Variants in FUBP3 observed in about 807,000 individuals in gnomAD.
FUBP3 encodes the protein far upstream element-binding protein 3.
Under a neutral mutation model 85.6 loss-of-function variants are expected in FUBP3, and 28 were observed. The ratio of observed to expected loss-of-function variants is 0.33; its 90% CI spans 0.24 to 0.45. The LOEUF (loss-of-function observed/expected upper bound fraction) is 0.45. FUBP3 is among the 20% of genes least tolerant of loss of function. The pLI, the probability that FUBP3 is intolerant of heterozygous loss-of-function variation, is 1.00. For synonymous variants in FUBP3, 271 were observed against 271.4 expected (o/e 1.00, Z 0.01); for missense variants, 583 against 755.1 (o/e 0.77, Z 2.67).
In FUBP3 at chr9:130,623,678, G is replaced by A. The variant is rs748202070; in HGVS notation, c.942G>A (p.Ala314=). 7.4e-6 allele frequency: 12 copies of A among 1,613,478 alleles called. No individual in the cohort carries two copies. The highest frequency in any genetic ancestry group is 2.7e-5 in the African/African-American group (2 of 74,904). The stretch of plus-strand genomic sequence containing the variant: ...CTCCGGATCGGTGTCAGCATGCAGC[G>A]CATATCATCAGCGAGCTGATTCTTA... ...MGPPDRCQHA[A]HIISELILTA... The change falls in exon 11 of 19, where the codon GCG becomes GCA. Residue 314 remains alanine, a synonymous_variant. Coordinates refer to ENST00000319725, the MANE Select transcript of FUBP3 (RefSeq NM_003934.2).
Position 130,579,989 on chromosome 9 carries a change from G to A in FUBP3, c.84+225G>A, listed in dbSNP as rs574742552. Among the ~76,000 whole-genome samples, 11 of 152,218 alleles carry A rather than the reference G, an allele frequency of 7.2e-5. No individual in the cohort carries two copies. In the East Asian group the frequency reaches 7.7e-4, roughly 11 times the overall value. ...GCGGGTCTCCCAGGTGCCTGAAGTC[G>A]CTGGGAAAGGGTTTGCTTAGAGCGT... On this transcript the variant is annotated intron_variant, in intron 1 of 18. Coordinates refer to ENST00000319725, the MANE Select transcript of FUBP3 (RefSeq NM_003934.2).
At position 130,602,930 on chromosome 9, in the gene FUBP3, G is replaced by A. The variant is rs1045468743; in HGVS notation, c.191-7024G>A. 7.9e-5 allele frequency among the ~76,000 whole-genome samples: 12 copies of A among 152,054 alleles called. No homozygotes were observed. The East Asian group carries it at 1.4e-3, about 17-fold the overall frequency. ...CCCTTCCTGCCACGCCCCTTCTCCC[G>A]TTCCCCACTTTTGGTGTACAGTGGG... On this transcript the variant is annotated intron_variant, in intron 2 of 18. Coordinates refer to ENST00000319725, the MANE Select transcript of FUBP3 (RefSeq NM_003934.2).
Position 130,618,127 on chromosome 9 carries a change from C to A in FUBP3, c.666+232C>A, listed in dbSNP as rs1442888570. On this transcript the variant is annotated intron_variant, in intron 8 of 18. Coordinates refer to ENST00000319725, the MANE Select transcript of FUBP3 (RefSeq NM_003934.2). ...TTCACTCAGATTAATAAAAACTGAG[C>A]TCCTCATTTACACCGGCCATATCTC... 2.6e-5 allele frequency among the ~76,000 whole-genome samples: 4 copies of A among 152,214 alleles called. No individual in the cohort carries two copies. The East Asian group carries it at 7.7e-4, about 29-fold the overall frequency.
At chr9:130,606,505 G>T (rs564389088) in intron 2 of FUBP3, among the ~76,000 whole-genome samples, 57 of 152,128 alleles carry the variant, frequency 3.7e-4, no homozygotes, top group Non-Finnish European at 7.1e-4. Flanking sequence ...TTGTGCTGGG[G>T]TGGGAGTGGG....
intron 9 of FUBP3, among the ~76,000 whole-genome samples, chr9:130,621,911 AAAG>A (rs1829764700): frequency 6.6e-6 from 1 of 151,886 alleles, no homozygotes; most frequent in African/African-American, 2.4e-5. Flanking sequence ...TCTCAAAAAA[AAAG>A]AAAAAAAAAA....
At chr9:130,631,037 C>A in intron 13 of FUBP3, 2 of 758,110 alleles carry the variant, frequency 2.6e-6, no homozygotes, top group Non-Finnish European at 3.6e-6. Flanking sequence ...GGCCCCAGAG[C>A]CGTTCCCCTG....
At chr9:130,597,530 CTG>C (rs1830933319) in intron 2 of FUBP3, among the ~76,000 whole-genome samples, 1 of 152,188 alleles carries the variant, frequency 6.6e-6, no homozygotes, top group African/African-American at 2.4e-5. Flanking sequence ...ATCAGCAAGA[CTG>C]TGAGCCTAGA....
chr9:130,620,793 G>A (rs1038102519), intron 9 of FUBP3, among the ~76,000 whole-genome samples: 1 of 152,236 alleles, frequency 6.6e-6, no homozygotes, highest in African/African-American at 2.4e-5. Context: ...GTTTATTGAT[G>A]AGGTTGCAAT....
At chr9:130,584,328 G>A (rs1253949806) in intron 1 of FUBP3, among the ~76,000 whole-genome samples, 1 of 151,582 alleles carries the variant, frequency 6.6e-6, no homozygotes, top group Admixed American at 6.6e-5. Flanking sequence ...AGGAGTTCGA[G>A]ACCAGCCTGG....
intron 2 of FUBP3, among the ~76,000 whole-genome samples, chr9:130,605,138 G>A (rs903493194): frequency 6.6e-6 from 1 of 152,206 alleles, no homozygotes; most frequent in African/African-American, 2.4e-5. Flanking sequence ...AAAGCTTAGG[G>A]CTATGAATAT....
intron 2 of FUBP3, among the ~76,000 whole-genome samples, chr9:130,609,062 A>G (rs7032416): frequency 0.045 from 6,913 of 152,200 alleles, 545 homozygotes; most frequent in African/African-American, 0.16. Context: ...TGTAAGGTGC[A>G]TTTGGTTCTT....
intron 11 of FUBP3, among the ~76,000 whole-genome samples, chr9:130,625,906 G>A (rs1198649458): frequency 2.6e-5 from 4 of 152,168 alleles, no homozygotes; most frequent in Non-Finnish European, 5.9e-5. Flanking sequence ...GCCAGGTGTT[G>A]TGACTCATAG....
chr9:130,628,762 C>T (rs138296080), intron 12 of FUBP3, among the ~76,000 whole-genome samples: 2 of 110,046 alleles, frequency 1.8e-5, no homozygotes, highest in East Asian at 4.9e-4. Context: ...GGTTTCTATT[C>T]TTTTTTATTT....
chr9:130,630,980 A>G (rs1830186600), intron 13 of FUBP3, among the ~76,000 whole-genome samples, 192 bp downstream of exon 13: 1 of 152,136 alleles, frequency 6.6e-6, no homozygotes, highest in African/African-American at 2.4e-5. Flanking sequence ...CAGGCCCAGA[A>G]GCAATGAAGG....
intron 2 of FUBP3, among the ~76,000 whole-genome samples, chr9:130,600,148 T>C (rs1831085461): frequency 1.4e-5 from 2 of 140,224 alleles, no homozygotes; most frequent in South Asian, 5.0e-4. Context: ...TTTTCCCTTT[T>C]TCACACACCC....
At chr9:130,622,630 CAAAAAAAAA>C (rs35428077) in intron 9 of FUBP3, 69 bp from the exon 10 acceptor site, 4 of 507,838 alleles carry the variant, frequency 7.9e-6, no homozygotes, top group Admixed American at 3.4e-5. Flanking sequence ...GACTCAGTCT[CAAAAAAAAA>C]AAAAAAGTGC....
intron 13 of FUBP3, 52 bp downstream of exon 13, chr9:130,630,840 G>A (rs1830181952): frequency 7.7e-7 from 1 of 1,306,350 alleles, no homozygotes; most frequent in Non-Finnish European, 1.0e-6. Context: ...GTTTTCTTGT[G>A]GATGTCCAAG....
In FUBP3 at chr9:130,582,729, C is replaced by T. The variant is rs573627472; in HGVS notation, c.84+2965C>T. Among the ~76,000 whole-genome samples, 3 of 152,216 alleles carry T rather than the reference C, an allele frequency of 2.0e-5. No homozygotes were observed. The East Asian group carries it at 5.8e-4, about 29-fold the overall frequency. On this transcript the variant is annotated intron_variant, in intron 1 of 18. Transcript: ENST00000319725. ...AGATCCAAGTCTGGTTTATGTTGTT[C>T]CATTCTCCTAAAAATATTTTTAAAT...
intron 2 of FUBP3, among the ~76,000 whole-genome samples, chr9:130,597,586 T>C (rs140049641): frequency 1.1e-3 from 170 of 152,336 alleles, no homozygotes; most frequent in African/African-American, 3.9e-3. Context: ...TCACAGGATC[T>C]GCTTATTCAC....
Sources: gnomAD v4.1 joint callset for allele counts (sites outside exome capture counted in the v4.1 genomes callset) on GRCh38, gnomAD v4.1.1 for gene constraint, MANE v1.5 for transcripts, NCBI Gene and HGNC (gene_info 2026-07-23, HGNC 2026-07-21) for gene names.